Variants in OVGP1 observed in about 807,000 individuals in gnomAD.
The protein encoded by OVGP1 is oviductal glycoprotein 1.
In OVGP1, 26 loss-of-function variants were observed where a neutral mutation model predicts 48.2. The observed-to-expected ratio is 0.54, with a 90% CI of 0.40 to 0.75. OVGP1 has a LOEUF of 0.75. Among genes scored for constraint, OVGP1 ranks in the 30% least tolerant of loss-of-function variants. The pLI, the probability that OVGP1 is intolerant of heterozygous loss-of-function variation, is 0.00. For synonymous variants in OVGP1, 294 were observed against 305.7 expected, an observed-to-expected ratio of 0.96 and a Z score of 0.40; for missense variants, 791 against 820.6, an observed-to-expected ratio of 0.96 and a Z score of 0.44.
At chr1:111,417,266 T>TA (rs1652158996) in intron 9 of OVGP1, among the ~76,000 whole-genome samples, 1 of 152,244 alleles carries the variant, frequency 6.6e-6, no homozygotes, top group Non-Finnish European at 1.5e-5. Context: ...CGTGATGCTA[T>TA]AAAATACAGT....
At chr1:111,416,504 A>C in intron 9 of OVGP1, 46 bp from the exon 10 acceptor site, 1 of 1,554,330 alleles carries the variant, frequency 6.4e-7, no homozygotes, top group Non-Finnish European at 8.8e-7. Flanking sequence ...GTCAGTCTCT[A>C]GACTGGGTAC....
rs1652141345 is a variant in OVGP1, at chr1:111,416,515, A to G, written c.1021-57T>C. 3 of 1,496,200 alleles carry G rather than the reference A, an allele frequency of 2.0e-6. No individual in the cohort carries two copies. In the African/African-American group the frequency reaches 4.1e-5, roughly 21 times the overall value. The allele number at this position is 1,496,200 out of a possible 1,614,324, so 92.7% of individuals were successfully genotyped here. A position where few individuals can be genotyped will look rare whatever the true frequency, so the allele number is the denominator to read the frequency against. On this transcript the variant is annotated intron_variant, in intron 9 of 10. Transcript: ENST00000369732. Reference sequence around the variant, plus strand: ...ACTTGTCAGTCTCTAGACTGGGTACAATGGCAAAAAACTGAAGATAGTCCC... The same window carrying G: ...ACTTGTCAGTCTCTAGACTGGGTACGATGGCAAAAAACTGAAGATAGTCCC...
In OVGP1 at chr1:111,416,442, C is replaced by T. The variant is rs374480392; in HGVS notation, c.1037G>A (p.Arg346Gln). Reference sequence around the variant, plus strand: ...CACCATGGCCCCCCCAAAATGCTCTCGCCTTATAAACCATGCCTGTAAAAG... The same window carrying T: ...CACCATGGCCCCCCCAAAATGCTCTTGCCTTATAAACCATGCCTGTAAAAG... Reference protein sequence around the residue: ...SFSYKAWFIRREHFGGAMVWT... With the variant: ...SFSYKAWFIRQEHFGGAMVWT... The change falls in exon 10 of 11, where the codon CGA becomes CAA. Residue 346 changes from arginine (R) to glutamine (Q), a missense_variant. Arg to Gln is a conservative substitution (Grantham distance 43). Transcript: ENST00000369732. 58 of 1,605,190 alleles carry T rather than the reference C, an allele frequency of 3.6e-5. No homozygotes were observed. Among genetic ancestry groups the T allele is most frequent in the Middle Eastern group, 3.3e-4 (2 of 6,066 alleles).
Position 111,425,292 on chromosome 1 carries a change from C to T in OVGP1, c.317+91G>A. ...AAGTATTTGCGCTAGCTTTGCTGTC[C>T]GCATGGCCAAGCTGCCTTCCCCCTC... On this transcript the variant is annotated intron_variant, in intron 4 of 10. Coordinates refer to ENST00000369732, the MANE Select transcript of OVGP1 (RefSeq NM_002557.4). 5 of 1,476,710 alleles carry T rather than the reference C, an allele frequency of 3.4e-6. No homozygotes were observed. The Admixed American group carries it at 5.6e-5, about 17-fold the overall frequency. 91.5% of individuals were successfully genotyped at this position (1,476,710 alleles called of 1,614,324 possible). A position where few individuals can be genotyped will look rare whatever the true frequency, so the allele number is the denominator to read the frequency against.
At chr1:111,422,250 G>C (rs1479809862) in intron 6 of OVGP1, among the ~76,000 whole-genome samples, 1 of 152,156 alleles carries the variant, frequency 6.6e-6, no homozygotes, top group African/African-American at 2.4e-5. Context: ...CTGGCTAAAA[G>C]ATCAACACTA....
intron 3 of OVGP1, 76 bp downstream of exon 3, chr1:111,426,361 G>C: frequency 6.3e-7 from 1 of 1,599,110 alleles, no homozygotes. Flanking sequence ...AAGTTGAAGA[G>C]TAACAGGAGA....
intron 6 of OVGP1, 81 bp from the exon 7 acceptor site, chr1:111,421,754 A>G: frequency 8.2e-6 from 7 of 849,000 alleles, no homozygotes; most frequent in Non-Finnish European, 1.4e-5. Flanking sequence ...TGTCTAGCTA[A>G]CTAGCTAGAC....
At chr1:111,422,627 C>G (rs1652297718) in intron 6 of OVGP1, among the ~76,000 whole-genome samples, 1 of 152,154 alleles carries the variant, frequency 6.6e-6, no homozygotes, top group African/African-American at 2.4e-5. Flanking sequence ...AGAGGACAGG[C>G]CCCTGGGAAT....
chr1:111,416,279 GT>G (rs768685813), intron 10 of OVGP1, 43 bp downstream of exon 10: 14 of 1,521,754 alleles, frequency 9.2e-6, no homozygotes, highest in African/African-American at 1.4e-5. Context: ...CCAGTGCTTG[GT>G]TATGCAACTT....
chr1:111,415,267 C>A lies in OVGP1; in HGVS notation c.1234G>T (p.Ala412Ser). Residue 412 changes from alanine (A) to serine (S), a missense_variant, in exon 11 of 11, where the codon GCT becomes TCT. Ala to Ser is a moderately conservative substitution (Grantham distance 99). Coordinates refer to ENST00000369732, the MANE Select transcript of OVGP1 (RefSeq NM_002557.4). The stretch of plus-strand genomic sequence containing the variant: ...TCAGTGGTCCATGCCGTGGTCACAG[C>A]CAGCCTTTCAGGGTCAGTGCTTGAA... ...NSSSTDPERL[A>S]VTTAWTTDSK... The A allele has an allele frequency of 6.2e-7, 1 of 1,614,180 alleles. No homozygotes were observed. Among genetic ancestry groups the A allele is most frequent in the Non-Finnish European group, 8.5e-7 (1 of 1,180,030 alleles).
chr1:111,415,507 A>G (rs1283398842), intron 10 of OVGP1, among the ~76,000 whole-genome samples, 163 bp from the exon 11 acceptor site: 4 of 152,202 alleles, frequency 2.6e-5, no homozygotes, highest in Non-Finnish European at 5.9e-5. Flanking sequence ...ATGAAATCCC[A>G]CCACATAGAA....
At chr1:111,416,610 G>T in intron 9 of OVGP1, 152 bp from the exon 10 acceptor site, 1 of 536,172 alleles carries the variant, frequency 1.9e-6, no homozygotes, top group Non-Finnish European at 3.1e-6. Flanking sequence ...CTGTTTATTA[G>T]CTATGGGATC....
chr1:111,421,032 T>C (rs1004516485), intron 8 of OVGP1, among the ~76,000 whole-genome samples: 1 of 152,224 alleles, frequency 6.6e-6, no homozygotes, highest in African/African-American at 2.4e-5. Context: ...AAGATCATTT[T>C]TGGGGTGCAA....
Position 111,414,523 on chromosome 1 carries a change from T to G in OVGP1, c.1978A>C (p.Ser660Arg). The change falls in exon 11 of 11, where the codon AGT (serine) becomes CGT (arginine). Residue 660 changes from serine (S) to arginine (R), a missense_variant. By Grantham distance (110) the Ser-to-Arg change is moderately radical (BLOSUM62 -1). Coordinates refer to ENST00000369732, the MANE Select transcript of OVGP1 (RefSeq NM_002557.4). The stretch of plus-strand genomic sequence containing the variant: ...ATTTCTTTTTTTAGAGAAAGAGGAC[T>G]TGTTTGAGGGGTTACTGAGTTGACA... Reference protein sequence around the residue: ...SSVNSVTPQTSPLSLKKEIPE... With the variant: ...SSVNSVTPQTRPLSLKKEIPE... The G allele has an allele frequency of 6.2e-7, 1 of 1,614,068 alleles. No individual in the cohort carries two copies. Among genetic ancestry groups the G allele is most frequent in the African/African-American group, 1.3e-5 (1 of 75,050 alleles).
chr1:111,419,716 A>G lies in OVGP1; in HGVS notation c.914T>C (p.Phe305Ser). The G allele has an allele frequency of 6.2e-7, 1 of 1,609,514 alleles. No individual in the cohort carries two copies. Among genetic ancestry groups the G allele is most frequent in the East Asian group, 2.2e-5 (1 of 44,866 alleles). Residue 305 changes from phenylalanine to serine, a missense_variant, in exon 9 of 11, where the codon TTT becomes TCT. Physicochemically the swap from Phe to Ser is radical, Grantham distance 155. Transcript: ENST00000369732. ...CCAGTGCTTCTTCGCTCCCCAGACAAAGGAACAAATCTGCCAAGAGGACCA... is the reference window on the plus strand; with the variant it reads ...CCAGTGCTTCTTCGCTCCCCAGACAGAGGAACAAATCTGCCAAGAGGACCA... ...GFLAYFEICS[F>S]VWGAKKHWID... is the part of the protein sequence containing the mutation.
rs1288581961 is a variant in OVGP1, at chr1:111,421,266, T to C, written c.903+10A>G. 2 of 1,590,946 alleles carry C rather than the reference T, an allele frequency of 1.3e-6. No individual in the cohort carries two copies. Among genetic ancestry groups the C allele is most frequent in the Admixed American group, 1.8e-5 (1 of 57,118 alleles). On this transcript the variant is annotated intron_variant, in intron 8 of 10. Transcript: ENST00000369732. ...CCTAACTGCTAGACAGAGACTGATATTCCCATCACCTCAAAATAAGCCAAG... is the reference window on the plus strand; with the variant it reads ...CCTAACTGCTAGACAGAGACTGATACTCCCATCACCTCAAAATAAGCCAAG...
rs1270859691 is a variant in OVGP1 at position 111,426,722 on chromosome 1, A to G, written c.56-81T>C. ...AGCTTCCAGAAAGCAATGTGAACGC[A>G]GCCCAAGAGACCAGGCCACATTTTC... On this transcript the variant is annotated intron_variant, in intron 2 of 10. Transcript: ENST00000369732. 4 of 1,558,228 alleles carry G rather than the reference A, an allele frequency of 2.6e-6. No homozygotes were observed. In the South Asian group the frequency reaches 4.7e-5, roughly 18 times the overall value.
At chr1:111,415,735 TG>T (rs1459050835) in intron 10 of OVGP1, among the ~76,000 whole-genome samples, 30 of 152,206 alleles carry the variant, frequency 2.0e-4, no homozygotes, top group Non-Finnish European at 1.0e-4. Context: ...AAGCTTCTTA[TG>T]TCTCTATGTT....
chr1:111,427,309 T>G (rs1652422941), intron 1 of OVGP1: 1 of 985,374 alleles, frequency 1.0e-6, no homozygotes. Context: ...TTGATAAACA[T>G]GTGTATATGC....
Sources: allele counts gnomAD v4.1 joint callset (sites outside exome capture counted in the v4.1 genomes callset), GRCh38; gene constraint gnomAD v4.1.1; transcripts MANE v1.5; gene names NCBI Gene and HGNC (gene_info 2026-07-23, HGNC 2026-07-21).